Variants in RASEF observed in about 807,000 individuals in gnomAD.
RASEF encodes the protein RAS and EF-hand domain containing, also known as ras and EF-hand domain-containing protein.
Under a neutral mutation model 90.1 loss-of-function variants are expected in RASEF, and 68 were observed. That is an observed-to-expected ratio of 0.75 (90% CI 0.62 to 0.92). The LOEUF is 0.92. RASEF is among the 40% of genes least tolerant of loss of function. The pLI is 0.00. For missense variants in RASEF, 949 were observed against 937.2 expected (o/e 1.01, Z -0.16); for synonymous variants, 331 against 345.2 (o/e 0.96, Z 0.46).
chr9:83,049,124 CAAA>C (rs1232006240), intron 1 of RASEF: 200 of 84,912 alleles, frequency 2.4e-3, no homozygotes, highest in Middle Eastern at 7.7e-3. Flanking sequence ...ACTCCGTCTC[CAAA>C]AAAAAAAAAA....
chr9:83,117,286 C>A, the RASEF span, among the ~76,000 whole-genome samples: 3 of 152,116 alleles, frequency 2.0e-5, no homozygotes, highest in East Asian at 5.8e-4. Flanking sequence ...TATAGAGGTA[C>A]AATGGGGACA....
At chr9:83,105,409 G>A in the RASEF span, among the ~76,000 whole-genome samples, 1 of 152,164 alleles carries the variant, frequency 6.6e-6, no homozygotes, top group Non-Finnish European at 1.5e-5. Flanking sequence ...GATAAGATTA[G>A]TTTCAACTAC....
chr9:83,119,174 T>G, the RASEF span, among the ~76,000 whole-genome samples: 1 of 24,712 alleles, frequency 4.0e-5, no homozygotes, highest in Non-Finnish European at 6.9e-5. Flanking sequence ...TGCGGGCTAT[T>G]TTTTTTTTTT....
chr9:83,040,757 C>T (rs975671166), intron 1 of RASEF, among the ~76,000 whole-genome samples: 1 of 152,144 alleles, frequency 6.6e-6, no homozygotes, highest in African/African-American at 2.4e-5. Flanking sequence ...TTCCTCATCA[C>T]GTTTTGTTTA....
the RASEF span, among the ~76,000 whole-genome samples, chr9:83,130,926 G>C: frequency 6.6e-6 from 1 of 152,190 alleles, no homozygotes; most frequent in African/African-American, 2.4e-5. Context: ...TTTGTTGAAG[G>C]CTTACCATGT....
chr9:83,198,413 T>C, the RASEF span, among the ~76,000 whole-genome samples: 14 of 152,284 alleles, frequency 9.2e-5, no homozygotes, highest in East Asian at 1.9e-4. Context: ...TCTTTCCTTA[T>C]ACATAATTCA....
At chr9:83,049,397 C>T (rs1245282173) in intron 1 of RASEF, 1 of 906,902 alleles carries the variant, frequency 1.1e-6, no homozygotes, top group Admixed American at 6.2e-5. Flanking sequence ...ATCTTGAACA[C>T]ATTTCTATGA....
intron 1 of RASEF, among the ~76,000 whole-genome samples, chr9:83,032,350 C>T (rs1239280473): frequency 6.6e-6 from 1 of 152,146 alleles, no homozygotes; most frequent in South Asian, 2.1e-4. Context: ...CATCAAGGAC[C>T]CAGGGCCTCA....
chr9:83,086,265 G>A, the RASEF span, among the ~76,000 whole-genome samples: 1 of 152,120 alleles, frequency 6.6e-6, no homozygotes, highest in Non-Finnish European at 1.5e-5. Flanking sequence ...GAAAAATAAA[G>A]ATCGTAGATT....
At chr9:83,137,896 T>A in the RASEF span, among the ~76,000 whole-genome samples, 1 of 152,054 alleles carries the variant, frequency 6.6e-6, no homozygotes, top group Admixed American at 6.6e-5. Flanking sequence ...AAATTATGTT[T>A]CTTAAAGAGA....
chr9:83,076,166 GA>G, the RASEF span, among the ~76,000 whole-genome samples: 253 of 127,166 alleles, frequency 2.0e-3, 1 homozygote, highest in Middle Eastern at 0.012. Context: ...GACTGTCTCA[GA>G]AAAAAAAAAA....
At chr9:83,128,593 T>C in the RASEF span, among the ~76,000 whole-genome samples, 1 of 151,994 alleles carries the variant, frequency 6.6e-6, no homozygotes, top group Non-Finnish European at 1.5e-5. Flanking sequence ...GCCACCCCTG[T>C]GTCCCCTCTC....
the RASEF span, among the ~76,000 whole-genome samples, chr9:83,119,535 T>G: frequency 6.6e-6 from 1 of 152,162 alleles, no homozygotes; most frequent in Non-Finnish European, 1.5e-5. Context: ...GTCTGAAGAC[T>G]TCCCCTCCAC....
chr9:83,067,459 A>G (rs1379748183), upstream of RASEF, among the ~76,000 whole-genome samples: 2 of 152,206 alleles, frequency 1.3e-5, no homozygotes, highest in South Asian at 2.1e-4. Context: ...ATATACTGCT[A>G]TCCATAATTA....
the RASEF span, among the ~76,000 whole-genome samples, chr9:83,122,375 G>T: frequency 5.3e-5 from 8 of 152,216 alleles, no homozygotes; most frequent in Non-Finnish European, 1.0e-4. Flanking sequence ...ATAACATAAT[G>T]GGTGAGGCAG....
chr9:83,092,383 T>C, the RASEF span, among the ~76,000 whole-genome samples: 2 of 152,096 alleles, frequency 1.3e-5, no homozygotes, highest in Non-Finnish European at 2.9e-5. Flanking sequence ...GTTTGTTCCT[T>C]CTGATGTTCG....
the RASEF span, among the ~76,000 whole-genome samples, chr9:83,175,226 C>T: frequency 6.6e-6 from 1 of 152,174 alleles, no homozygotes; most frequent in Non-Finnish European, 1.5e-5. Context: ...CTTTTGACTA[C>T]TATAATAATT....
At chr9:83,163,899 A>T in the RASEF span, among the ~76,000 whole-genome samples, 1 of 152,082 alleles carries the variant, frequency 6.6e-6, no homozygotes, top group East Asian at 1.9e-4. Flanking sequence ...AATGCTGAAA[A>T]AATTACACCT....
At chr9:83,214,719 CAT>C in the RASEF span, among the ~76,000 whole-genome samples, 1 of 152,084 alleles carries the variant, frequency 6.6e-6, no homozygotes, top group Non-Finnish European at 1.5e-5. Flanking sequence ...TTCCCCTGCA[CAT>C]AGTCTCTTGC....
Sources: allele counts gnomAD v4.1 joint callset (sites outside exome capture counted in the v4.1 genomes callset), GRCh38; gene constraint gnomAD v4.1.1; transcripts MANE v1.5; gene names NCBI Gene and HGNC (gene_info 2026-07-23, HGNC 2026-07-21).